Variants in CEL observed in about 807,000 individuals in gnomAD.
CEL encodes carboxyl ester lipase.
CEL carries 39 observed loss-of-function variants against 57.1 expected under a neutral mutation model. That is an observed-to-expected ratio of 0.68 (90% CI 0.53 to 0.89). The LOEUF is 0.89. Ranked by LOEUF, CEL falls within the 40% of genes least tolerant of loss-of-function variation. The pLI, the probability that CEL is intolerant of heterozygous loss-of-function variation, is 0.00. For synonymous variants in CEL, 314 were observed against 396.6 expected (o/e 0.79, Z 2.48); for missense variants, 698 against 915.0 (o/e 0.76, Z 3.06).
In CEL at chr9:133,064,973, A is replaced by T. The variant is rs1564210664; in HGVS notation, c.341-67A>T. ...GGCCCCAGGCACCTGCTGCACAGGG[A>T]CAGGGGACCGGCTGGAGACAGGGCC... On this transcript the variant is annotated intron_variant, in intron 3 of 10. Transcript: ENST00000372080. The T allele has an allele frequency of 1.9e-6, 3 of 1,596,956 alleles. No individual in the cohort carries two copies. In the East Asian group the frequency reaches 6.7e-5, roughly 36 times the overall value.
chr9:133,067,872 T>C (rs373404316), intron 7 of CEL, among the ~76,000 whole-genome samples: 7 of 152,314 alleles, frequency 4.6e-5, no homozygotes, highest in African/African-American at 1.7e-4. Flanking sequence ...AAACATTTAC[T>C]GAACCGTAGC....
rs761896262 is a variant in CEL, at chr9:133,070,558, G to A, written c.1384G>A (p.Val462Ile). 9.9e-6 allele frequency: 16 copies of A among 1,613,916 alleles called. No homozygotes were observed. Among genetic ancestry groups the A allele is most frequent in the Middle Eastern group, 1.6e-4 (1 of 6,084 alleles). The part of the protein sequence containing the change: ...GADHADDIQY[V>I]FGKPFATPTG... ...CGACCATGCAGATGACATTCAGTAC[G>A]TTTTCGGGAAGCCCTTCGCCACCCC... The change falls in exon 10 of 11, where the codon GTT (valine) becomes ATT (isoleucine). Residue 462 changes from valine to isoleucine, a missense_variant. Val to Ile is a conservative substitution (Grantham distance 29). Around this residue, in one of 6 missense-constraint regions of CEL, gnomAD observed 111 missense variants for 147.3 expected, o/e 0.75. Coordinates refer to ENST00000372080, the MANE Select transcript of CEL (RefSeq NM_001807.6).
At position 133,071,101 on chromosome 9, in the gene CEL, C is replaced by A; in HGVS notation, c.1599C>A (p.Ser533Arg). 6.2e-7 allele frequency: 1 copy of A among 1,611,078 alleles called. No homozygotes were observed. Among genetic ancestry groups the A allele is most frequent in the Middle Eastern group, 1.7e-4 (1 of 6,060 alleles). The change falls in exon 11 of 11, where the codon AGC becomes AGA. Residue 533 changes from serine to arginine, a missense_variant. Ser to Arg is a moderately radical substitution (Grantham distance 110, BLOSUM62 -1). Coordinates refer to ENST00000372080, the MANE Select transcript of CEL (RefSeq NM_001807.6). ...TGGGCAGCAGCTCCATGAAGCGGAG[C>A]CTGAGAACCAACTTCCTGCGCTACT... ...KKMGSSSMKR[S>R]LRTNFLRYWT...
chr9:133,066,637 G>A lies in CEL; in HGVS notation c.646G>A (p.Gly216Arg). The A allele has an allele frequency of 6.2e-7, 1 of 1,613,702 alleles. No individual in the cohort carries two copies. The highest frequency in any genetic ancestry group is 8.5e-7 in the Non-Finnish European group (1 of 1,179,968). The change falls in exon 5 of 11, where the codon GGA (glycine) becomes AGA (arginine). Residue 216 changes from glycine (G) to arginine (R), a missense_variant. Gly to Arg is a moderately radical substitution (Grantham distance 125, BLOSUM62 -2). Coordinates refer to ENST00000372080, the MANE Select transcript of CEL (RefSeq NM_001807.6). The surrounding 1 kb of genome is among the most constrained non-coding windows in gnomAD (Gnocchi z 4.3). ...CATCACGCTCTTCGGGGAGTCTGCT[G>A]GAGGTGCCAGCGTCTCTCTGCAGGT... is the stretch of plus-strand genomic sequence containing the variant. ...NNITLFGESA[G>R]GASVSLQTLS...
In CEL at chr9:133,066,976, T is replaced by TGGGGGGGGGGGGGGGGGGGGGGG; in HGVS notation, c.777+36_777+37insGGGGGGGGGGGGGGGGGGGGGGG. 1.1e-5 allele frequency: 8 copies of TGGGGGGGGGGGGGGGGGGGGGGG among 753,348 alleles called. No homozygotes were observed. Among genetic ancestry groups the TGGGGGGGGGGGGGGGGGGGGGGG allele is most frequent in the Non-Finnish European group, 1.5e-5 (7 of 453,946 alleles). 46.7% of individuals were successfully genotyped at this position (753,348 alleles called of 1,614,324 possible). A position where few individuals can be genotyped will look rare whatever the true frequency, so the allele number is the denominator to read the frequency against. ...CGGAGGAGGGCAGGGCTGGGCGGGG[T>TGGGGGGGGGGGGGGGGGGGGGGG]GGGGGCTGTCCACATTTCCGTTCTT... On this transcript the variant is annotated intron_variant, in intron 6 of 10. Coordinates refer to ENST00000372080, the MANE Select transcript of CEL (RefSeq NM_001807.6). The surrounding 1 kb of genome is among the most constrained non-coding windows in gnomAD (Gnocchi z 4.3).
chr9:133,068,624 A>G (rs775883859), intron 7 of CEL, 48 bp from the exon 8 acceptor site: 41 of 1,613,324 alleles, frequency 2.5e-5, no homozygotes, highest in Non-Finnish European at 4.2e-6. Context: ...GGCTCAGGGG[A>G]AACTGGGAGG....
chr9:133,063,620 G>A (rs892801094), intron 1 of CEL, among the ~76,000 whole-genome samples: 1 of 152,198 alleles, frequency 6.6e-6, no homozygotes, highest in South Asian at 2.1e-4. Context: ...GGTGGCACTG[G>A]GGCAGACAGC....
At chr9:133,065,380 G>C in intron 4 of CEL, 143 bp downstream of exon 4, 1 of 947,670 alleles carries the variant, frequency 1.1e-6, no homozygotes, top group Non-Finnish European at 1.7e-6. Flanking sequence ...ATGAGATGCA[G>C]GAGGCCCTTG....
intron 9 of CEL, 62 bp from the exon 10 acceptor site, chr9:133,070,399 G>T (rs1830240733): frequency 6.9e-7 from 1 of 1,441,508 alleles, no homozygotes; most frequent in Admixed American, 1.9e-5. Flanking sequence ...TCCAAGTCCG[G>T]TCTCTGGGCT....
chr9:133,062,774 A>G (rs1417058771), intron 1 of CEL, among the ~76,000 whole-genome samples: 2 of 151,468 alleles, frequency 1.3e-5, no homozygotes, highest in Admixed American at 6.6e-5. Context: ...GAGAGCAGGC[A>G]GACGGGTGGA....
At chr9:133,065,350 C>A in intron 4 of CEL, 113 bp downstream of exon 4, 3 of 1,241,434 alleles carry the variant, frequency 2.4e-6, no homozygotes, top group Non-Finnish European at 3.5e-6. Flanking sequence ...ACAGAAAGAC[C>A]CGGAAGCTGG....
At position 133,068,664 on chromosome 9, in the gene CEL, C is replaced by T. The variant is rs1343754184; in HGVS notation, c.896-8C>T. The T allele has an allele frequency of 6.2e-7, 1 of 1,613,270 alleles. No homozygotes were observed. The highest frequency in any genetic ancestry group is 1.7e-5 in the Admixed American group (1 of 59,988). On this transcript the variant is annotated splice_polypyrimidine_tract_variant and splice_region_variant and intron_variant, in intron 7 of 10. Coordinates refer to ENST00000372080, the MANE Select transcript of CEL (RefSeq NM_001807.6). ...AGAACCTGCTAACCTGCTGGCTCTC[C>T]CACCCAGACCCCATGCTGCACTATG...
chr9:133,063,407 C>A (rs368690963), intron 1 of CEL, among the ~76,000 whole-genome samples: 1 of 152,190 alleles, frequency 6.6e-6, no homozygotes, highest in Non-Finnish European at 1.5e-5. Context: ...CAGTTCCAAC[C>A]GCCGCACTCT....
At chr9:133,067,879 T>C (rs929642991) in intron 7 of CEL, among the ~76,000 whole-genome samples, 1 of 152,176 alleles carries the variant, frequency 6.6e-6, no homozygotes, top group African/African-American at 2.4e-5. Context: ...TACTGAACCG[T>C]AGCACTGGGG....
rs576251943 is a variant in CEL at position 133,065,501 on chromosome 9, C to G, written c.538+264C>G. 4.3e-4 allele frequency among the ~76,000 whole-genome samples: 66 copies of G among 152,186 alleles called. 2 individuals are homozygous for G. The South Asian group carries it at 0.013, about 29-fold the overall frequency. ...GGTGGGTCACTTGAGCGCAGAAGTT[C>G]AAGACCAGCCTGAAAATCACTGGGA... is the stretch of plus-strand genomic sequence containing the variant. On this transcript the variant is annotated intron_variant, in intron 4 of 10. Coordinates refer to ENST00000372080, the MANE Select transcript of CEL (RefSeq NM_001807.6).
At chr9:133,063,785 G>A (rs1398179356) in intron 1 of CEL, among the ~76,000 whole-genome samples, 1 of 152,166 alleles carries the variant, frequency 6.6e-6, no homozygotes, top group East Asian at 1.9e-4. Flanking sequence ...GCGTGGCGGG[G>A]GTGGGAGGTG....
chr9:133,070,605 C>T lies in CEL; in HGVS notation c.1431C>T (p.Asp477=). ...FATPTGYRPQ[D]RTVSKAMIAY... is the part of the protein sequence containing the mutation. ...CCCCCACGGGCTACCGGCCCCAAGA[C>T]AGGACAGTCTCTAAGGCCATGATCG... The change falls in exon 10 of 11, where the codon GAC becomes GAT. Residue 477 remains aspartate (D), a synonymous_variant. Transcript: ENST00000372080. 1 of 1,614,216 alleles carries T rather than the reference C, an allele frequency of 6.2e-7. No individual in the cohort carries two copies. Among genetic ancestry groups the T allele is most frequent in the East Asian group, 2.2e-5 (1 of 44,876 alleles).
Position 133,071,682 on chromosome 9 carries a change from C to G in CEL, c.2180C>G (p.Pro727Arg). ...GACTCCGGGGCCCCCCCTGTGCCCCCCACGGGTGACTCTGAGGCTGCCCCT... is the reference window on the plus strand; with the variant it reads ...GACTCCGGGGCCCCCCCTGTGCCCCGCACGGGTGACTCTGAGGCTGCCCCT... ...TGDSGAPPVP[P>R]TGDSEAAPVP... is the part of the protein sequence containing the mutation. The change falls in exon 11 of 11, where the codon CCC becomes CGC. Residue 727 changes from proline (P) to arginine (R), a missense_variant. Around this residue, in one of 6 missense-constraint regions of CEL, gnomAD observed 238 missense variants for 213.7 expected, o/e 1.11. Transcript: ENST00000372080. The G allele has an allele frequency of 6.2e-7, 1 of 1,608,412 alleles. No homozygotes were observed. The highest frequency in any genetic ancestry group is 2.2e-5 in the East Asian group (1 of 44,796).
intron 1 of CEL, 136 bp from the exon 2 acceptor site, chr9:133,064,267 TG>T: frequency 1.8e-6 from 2 of 1,132,224 alleles, no homozygotes; most frequent in Non-Finnish European, 2.6e-6. Flanking sequence ...GGGTGCTGCC[TG>T]GGTCTCCTGT....
Sources: allele counts gnomAD v4.1 joint callset (sites outside exome capture counted in the v4.1 genomes callset), GRCh38; gene constraint gnomAD v4.1.1; regional missense constraint gnomAD v4.1.1; non-coding constraint Gnocchi (gnomAD v3.1); transcripts MANE v1.5; gene names NCBI Gene and HGNC (gene_info 2026-07-23, HGNC 2026-07-21).